Variants in ANXA5 observed in about 807,000 individuals in gnomAD.
ANXA5 encodes CBP-I.
ANXA5 carries 40 observed loss-of-function variants against 48.1 expected under a neutral mutation model. The ratio of observed to expected loss-of-function variants is 0.83; its 90% confidence interval spans 0.65 to 1.08. The LOEUF (loss-of-function observed/expected upper bound fraction) is 1.08. Ranked by LOEUF, ANXA5 falls within the 50% of genes least tolerant of loss-of-function variation. The probability of loss-of-function intolerance (pLI) is 0.00; values close to 1 mark genes in which losing one functional copy is unlikely to be tolerated. For missense variants in ANXA5, 357 were observed against 376.8 expected (o/e 0.95, Z 0.44); for synonymous variants, 113 against 129.1 (o/e 0.88, Z 0.85).
rs753034130 is a variant in ANXA5, at chr4:121,683,405, AG to A, written c.261del (p.Ser88LeufsTer9). On this transcript the variant is annotated frameshift_variant, in exon 5 of 13. Transcript: ENST00000296511. LOFTEE classifies it high-confidence loss of function. ...FEKLIVALMK[P>X]SRLYDAYELK... Reference sequence around the variant, plus strand: ...AGTTCATAAGCATCATAAAGCCGAGAGGGTTTCATCAGAGCCACAATTAATT... The same window carrying A: ...AGTTCATAAGCATCATAAAGCCGAGAGGTTTCATCAGAGCCACAATTAATT... The A allele has an allele frequency of 8.1e-6, 13 of 1,609,910 alleles. No homozygotes were observed. Among genetic ancestry groups the A allele is most frequent in the Non-Finnish European group, 1.0e-5 (12 of 1,177,740 alleles).
intron 10 of ANXA5, among the ~76,000 whole-genome samples, chr4:121,670,339 A>G (rs1430559876): frequency 6.6e-6 from 1 of 152,188 alleles, no homozygotes; most frequent in Non-Finnish European, 1.5e-5. Flanking sequence ...ATACCACAAC[A>G]TTCTTCATCA....
rs150126476 is a variant in ANXA5 at position 121,669,963 on chromosome 4, A to G, written c.771T>C (p.Tyr257=). 2.4e-3 allele frequency: 3,837 copies of G among 1,601,992 alleles called. 8 individuals are homozygous for G. The highest frequency in any genetic ancestry group is 3.0e-3 in the Non-Finnish European group (3,552 of 1,173,488). ...CATGGTCTCCACTTACCTTCATAGC[A>G]TAATAGAGGGTCTCTGCAAGGTAGG... ...IPAYLAETLY[Y]AMKGAGTDDH... is the part of the protein sequence containing the mutation. The change falls in exon 11 of 13, where the codon TAT becomes TAC. Residue 257 remains tyrosine, a synonymous_variant. Coordinates refer to ENST00000296511, the MANE Select transcript of ANXA5 (RefSeq NM_001154.4).
chr4:121,681,634 T>G (rs1724794131), intron 6 of ANXA5, 37 bp downstream of exon 6: 2 of 1,392,716 alleles, frequency 1.4e-6, no homozygotes, highest in Middle Eastern at 1.8e-4. Context: ...GAAGTGATAG[T>G]GGAGGTGAAG....
At chr4:121,690,422 G>A (rs1370127537) in intron 2 of ANXA5, among the ~76,000 whole-genome samples, 1 of 152,198 alleles carries the variant, frequency 6.6e-6, no homozygotes, top group Non-Finnish European at 1.5e-5. Context: ...AGTCAAGGAA[G>A]AGCTAAGAGT....
Position 121,681,710 on chromosome 4 carries a change from G to C in ANXA5, c.355C>G (p.Pro119Ala), listed in dbSNP as rs1724795859. ...VLTEIIASRT[P>A]EELRAIKQVY... is the part of the protein sequence containing the mutation. ...TGTTTGATGGCTCTCAGTTCTTCAG[G>C]TGTCCTTGAAGCAATAATTTCTGTC... The change falls in exon 6 of 13, where the codon CCT becomes GCT. Residue 119 changes from proline to alanine, a missense_variant. Physicochemically the swap from Pro to Ala is conservative, Grantham distance 27 (BLOSUM62 -1). Coordinates refer to ENST00000296511, the MANE Select transcript of ANXA5 (RefSeq NM_001154.4). 1 of 1,612,408 alleles carries C rather than the reference G, an allele frequency of 6.2e-7. No individual in the cohort carries two copies. The highest frequency in any genetic ancestry group is 1.7e-4 in the Middle Eastern group (1 of 6,056).
chr4:121,689,898 T>A (rs1228904360), intron 2 of ANXA5, among the ~76,000 whole-genome samples: 1 of 152,118 alleles, frequency 6.6e-6, no homozygotes, highest in Non-Finnish European at 1.5e-5. Context: ...CAGGAACTAC[T>A]TAGGGTGATT....
intron 8 of ANXA5, among the ~76,000 whole-genome samples, chr4:121,673,634 T>G (rs575450198): frequency 6.6e-6 from 1 of 152,248 alleles, no homozygotes; most frequent in African/African-American, 2.4e-5. Context: ...AAAATGAGAC[T>G]CATGTATCTT....
chr4:121,674,303 T>C (rs1329872065), intron 8 of ANXA5, among the ~76,000 whole-genome samples: 4 of 54,170 alleles, frequency 7.4e-5, no homozygotes, highest in Admixed American at 6.7e-4. Flanking sequence ...GGTAAGGAAA[T>C]GGGAGGGGAA....
chr4:121,679,384 T>A (rs1724752773), intron 6 of ANXA5, among the ~76,000 whole-genome samples: 1 of 152,160 alleles, frequency 6.6e-6, no homozygotes, highest in African/African-American at 2.4e-5. Context: ...AATTCCTAAA[T>A]ACCTAGCTTA....
rs774301700 is a variant in ANXA5 at position 121,671,610 on chromosome 4, G to C, written c.658C>G (p.Gln220Glu). 1.2e-5 allele frequency: 19 copies of C among 1,613,252 alleles called. No homozygotes were observed. The Admixed American group carries it at 3.2e-4, about 27-fold the overall frequency. Residue 220 changes from glutamine to glutamate, a missense_variant, in exon 10 of 13, where the codon CAA becomes GAA. By Grantham distance (29) the Gln-to-Glu change is conservative. Transcript: ENST00000296511. The part of the protein sequence containing the change: ...FDKYMTISGF[Q>E]IEETIDRETS... The stretch of plus-strand genomic sequence containing the variant: ...TCGCGGTCAATGGTTTCCTCAATTT[G>C]AAATCCTGATATAGTCATGTACTTG...
chr4:121,671,553 C>A lies in ANXA5; in HGVS notation c.715G>T (p.Ala239Ser). Residue 239 changes from alanine (A) to serine (S), a missense_variant, in exon 10 of 13, where the codon GCT (alanine) becomes TCT (serine). By Grantham distance (99) the Ala-to-Ser change is moderately conservative. Coordinates refer to ENST00000296511, the MANE Select transcript of ANXA5 (RefSeq NM_001154.4). ...TSGNLEQLLL[A>S]VVKSIRSIPA... ...TACATTGTAAATCACCTACCAACAG[C>A]AAGGAGTAGTTGCTCTAAATTGCCA... 2 of 1,610,358 alleles carry A rather than the reference C, an allele frequency of 1.2e-6. No homozygotes were observed. The highest frequency in any genetic ancestry group is 1.7e-6 in the Non-Finnish European group (2 of 1,176,730).
intron 8 of ANXA5, among the ~76,000 whole-genome samples, chr4:121,674,347 AAG>A (rs1724663130): frequency 6.6e-6 from 1 of 151,512 alleles, no homozygotes; most frequent in Non-Finnish European, 1.5e-5. Flanking sequence ...AAAAAGGAGA[AAG>A]GGGAAAGAGA....
rs370099504 is a variant in ANXA5 at position 121,677,080 on chromosome 4, G to A, written c.531+814C>T. ...AATCAACCTACCCAAAAGAATAACC[G>A]CTCTCCTCTTTCCTGTTAGCAAAGT... is the stretch of plus-strand genomic sequence containing the variant. On this transcript the variant is annotated intron_variant, in intron 8 of 12. Transcript: ENST00000296511. Among the ~76,000 whole-genome samples the A allele has an allele frequency of 1.7e-3, 261 of 152,134 alleles. 9 individuals carry two copies. In the South Asian group the frequency reaches 0.052, roughly 31 times the overall value.
chr4:121,669,850 A>AG, intron 11 of ANXA5, 104 bp downstream of exon 11: 1 of 1,451,086 alleles, frequency 6.9e-7, no homozygotes, highest in Non-Finnish European at 9.5e-7. Flanking sequence ...GAATGTTATA[A>AG]GGGAAAAATT....
At chr4:121,669,795 G>C in intron 11 of ANXA5, 71 bp from the exon 12 acceptor site, 1 of 1,551,672 alleles carries the variant, frequency 6.4e-7, no homozygotes. Context: ...ATGCTCCCGG[G>C]TGCGGGTGAA....
chr4:121,684,149 A>G (rs901347877), intron 4 of ANXA5, among the ~76,000 whole-genome samples: 4 of 152,226 alleles, frequency 2.6e-5, no homozygotes, highest in African/African-American at 9.6e-5. Context: ...TAACAAGACT[A>G]CATTTAAGTT....
At chr4:121,679,065 G>C (rs1319263285) in intron 6 of ANXA5, among the ~76,000 whole-genome samples, 1 of 151,764 alleles carries the variant, frequency 6.6e-6, no homozygotes, top group Non-Finnish European at 1.5e-5. Context: ...ATCTACAAGA[G>C]TCTACAAGTC....
intron 2 of ANXA5, among the ~76,000 whole-genome samples, chr4:121,688,401 T>C (rs1001573913): frequency 3.3e-5 from 5 of 152,188 alleles, no homozygotes; most frequent in African/African-American, 1.2e-4. Context: ...CCTAACTTGA[T>C]GTTTCCTGTT....
intron 2 of ANXA5, among the ~76,000 whole-genome samples, chr4:121,692,552 G>A (rs1725005205): frequency 6.6e-6 from 1 of 152,132 alleles, no homozygotes; most frequent in African/African-American, 2.4e-5. Flanking sequence ...CACTTGAAAA[G>A]TTCTATCCCT....
Sources: allele counts gnomAD v4.1 joint callset (sites outside exome capture counted in the v4.1 genomes callset), GRCh38; gene constraint gnomAD v4.1.1; transcripts MANE v1.5; gene names NCBI Gene and HGNC (gene_info 2026-07-23, HGNC 2026-07-21).